The following NRP2 variants were observed in gnomAD, a reference collection of about 807,000 sequenced individuals.
The protein encoded by NRP2 is neuropilin-2.
A neutral mutation model predicts 110.4 loss-of-function variants in NRP2; 52 were observed. The ratio of observed to expected loss-of-function variants is 0.47; its 90% CI spans 0.38 to 0.59. The LOEUF is 0.59. Among genes scored for constraint, NRP2 ranks in the 20% least tolerant of loss-of-function variants. The pLI is 0.00. For synonymous variants in NRP2, 508 were observed against 468.9 expected (o/e 1.08, Z -1.08); for missense variants, 1,049 against 1,203.0 (o/e 0.87, Z 1.89).
In NRP2 at chr2:205,723,876, C is replaced by T. The variant is rs2057071226; in HGVS notation, c.756C>T (p.Asp252=). ...TCCTCTCCCTGACCTTTCACACGGA[C>T]ATGGCGGTGGCCAAGGATGGCTTCT... ...TGILSLTFHT[D]MAVAKDGFSA... Residue 252 remains aspartate, a synonymous_variant, in exon 5 of 17, where the codon GAC becomes GAT. Coordinates refer to ENST00000357785, the MANE Select transcript of NRP2 (RefSeq NM_003872.3). The T allele has an allele frequency of 6.2e-7, 1 of 1,614,104 alleles. No homozygotes were observed. Among genetic ancestry groups the T allele is most frequent in the Non-Finnish European group, 8.5e-7 (1 of 1,180,044 alleles).
chr2:205,790,247 C>T (rs905347704), intron 15 of NRP2, among the ~76,000 whole-genome samples: 1 of 152,172 alleles, frequency 6.6e-6, no homozygotes, highest in Non-Finnish European at 1.5e-5. Context: ...CTCATCCAGT[C>T]CTCAACCTCC....
At chr2:205,776,681 C>T (rs2058106573) in intron 15 of NRP2, 10 of 1,535,762 alleles carry the variant, frequency 6.5e-6, no homozygotes, top group Non-Finnish European at 8.7e-7. Context: ...CAATCCCAAC[C>T]ATCCTCCTTG....
chr2:205,697,599 C>T lies in NRP2; in HGVS notation c.129C>T (p.Pro43=), dbSNP rs746895763. 3.4e-5 allele frequency: 55 copies of T among 1,613,862 alleles called. No individual in the cohort carries two copies. In the East Asian group the frequency reaches 3.8e-4, roughly 11 times the overall value. Residue 43 remains proline, a synonymous_variant, in exon 2 of 17, where the codon CCC becomes CCT. Transcript: ENST00000357785. ...NSKDAGYITS[P]GYPQDYPSHQ... is the part of the protein sequence containing the mutation. ...AAGATGCTGGCTATATCACCTCTCC[C>T]GGTTACCCCCAGGACTACCCCTCCC...
chr2:205,692,672 C>T (rs566976888), intron 1 of NRP2, among the ~76,000 whole-genome samples: 5 of 152,120 alleles, frequency 3.3e-5, no homozygotes, highest in Non-Finnish European at 5.9e-5. Flanking sequence ...TTGAACTCTC[C>T]GTAATGCAAG....
At chr2:205,754,904 C>G (rs1355753535) in intron 12 of NRP2, among the ~76,000 whole-genome samples, 1 of 152,114 alleles carries the variant, frequency 6.6e-6, no homozygotes, top group Admixed American at 6.6e-5. Context: ...TTGGCTGGCT[C>G]TTATTCAGTG....
intron 2 of NRP2, among the ~76,000 whole-genome samples, chr2:205,698,743 G>A (rs558024255): frequency 2.6e-5 from 4 of 152,312 alleles, no homozygotes; most frequent in South Asian, 2.1e-4. Context: ...CCAAATGAGC[G>A]CCTACGGAAT....
At chr2:205,727,267 A>T (rs1030820966) in intron 6 of NRP2, among the ~76,000 whole-genome samples, 1 of 152,256 alleles carries the variant, frequency 6.6e-6, no homozygotes, top group African/African-American at 2.4e-5. Flanking sequence ...AGCAATTTCC[A>T]AATGGGTTTG....
chr2:205,743,178 T>C, intron 8 of NRP2, 25 bp from the exon 9 acceptor site: 1 of 1,606,666 alleles, frequency 6.2e-7, no homozygotes, highest in Non-Finnish European at 8.5e-7. Flanking sequence ...CCATGACCTC[T>C]TGTATCTTCC....
chr2:205,749,618 T>C (rs2057604719), intron 10 of NRP2, 107 bp from the exon 11 acceptor site: 1 of 877,574 alleles, frequency 1.1e-6, no homozygotes, highest in Admixed American at 1.7e-5. Flanking sequence ...TCCGTGCACA[T>C]GTGTGCATCT....
intron 10 of NRP2, among the ~76,000 whole-genome samples, chr2:205,748,959 G>T (rs951386746): frequency 6.6e-6 from 1 of 152,224 alleles, no homozygotes; most frequent in East Asian, 1.9e-4. Context: ...CCTAGCCAGG[G>T]TTCATTGTGT....
intron 14 of NRP2, 179 bp downstream of exon 14, chr2:205,765,749 A>AG: frequency 1.4e-6 from 1 of 739,146 alleles, no homozygotes; most frequent in Non-Finnish European, 2.5e-6. Flanking sequence ...CAGGGTGGGA[A>AG]GGGGTGTGAG....
chr2:205,752,742 C>T (rs1431040547), intron 11 of NRP2, 93 bp from the exon 12 acceptor site: 4 of 1,356,632 alleles, frequency 2.9e-6, no homozygotes, highest in Non-Finnish European at 4.2e-6. Context: ...GCTCTCCACT[C>T]AGGCCTTGCC....
At chr2:205,689,895 C>T (rs995886065) in intron 1 of NRP2, among the ~76,000 whole-genome samples, 1 of 152,192 alleles carries the variant, frequency 6.6e-6, no homozygotes, top group South Asian at 2.1e-4. Context: ...GACAAAATAG[C>T]TTTTACCCAG....
chr2:205,774,657 A>T (rs2105943054), intron 15 of NRP2, among the ~76,000 whole-genome samples: 1 of 152,302 alleles, frequency 6.6e-6, no homozygotes, highest in Non-Finnish European at 1.5e-5. Flanking sequence ...ATTTTCCAAG[A>T]AAAATGTTCT....
In NRP2 at chr2:205,697,178, G is replaced by A. The variant is rs540074927; in HGVS notation, c.74-366G>A. Among the ~76,000 whole-genome samples, 337 of 152,254 alleles carry A rather than the reference G, an allele frequency of 2.2e-3. 5 individuals are homozygous for A. Among genetic ancestry groups the A allele is most frequent in the African/African-American group, 7.7e-3 (321 of 41,540 alleles). Reference sequence around the variant, plus strand: ...TAAAGATAGAGATAGGAGGTTGAATGAGGAGAGGAAGATGGGCCAAGGAGG... The same window carrying A: ...TAAAGATAGAGATAGGAGGTTGAATAAGGAGAGGAAGATGGGCCAAGGAGG... On this transcript the variant is annotated intron_variant, in intron 1 of 16. Transcript: ENST00000357785.
intron 6 of NRP2, among the ~76,000 whole-genome samples, chr2:205,727,549 C>G (rs1415008113): frequency 2.0e-5 from 3 of 152,126 alleles, no homozygotes; most frequent in African/African-American, 4.8e-5. Context: ...TTCTTTAAAG[C>G]AGCATCTGCT....
intron 1 of NRP2, among the ~76,000 whole-genome samples, chr2:205,684,681 G>T (rs2056102987): frequency 6.6e-6 from 1 of 152,210 alleles, no homozygotes; most frequent in Non-Finnish European, 1.5e-5. Context: ...TGCCATAAGT[G>T]GTCTTCAGGG....
chr2:205,744,847 C>T (rs946979978), intron 9 of NRP2, among the ~76,000 whole-genome samples: 3 of 152,194 alleles, frequency 2.0e-5, no homozygotes, highest in Admixed American at 2.0e-4. Flanking sequence ...ATCGATGGAG[C>T]AGAAGTTGGA....
intron 2 of NRP2, among the ~76,000 whole-genome samples, chr2:205,706,909 C>T (rs2056690276): frequency 6.6e-6 from 1 of 152,224 alleles, no homozygotes; most frequent in African/African-American, 2.4e-5. Flanking sequence ...TGTGGCCAAC[C>T]AGCCAGAAGC....
Sources: gnomAD v4.1 joint callset for allele counts (sites outside exome capture counted in the v4.1 genomes callset) on GRCh38, gnomAD v4.1.1 for gene constraint, MANE v1.5 for transcripts, NCBI Gene and HGNC (gene_info 2026-07-23, HGNC 2026-07-21) for gene names.